The following DACH1 variants were observed in gnomAD, a reference collection of about 807,000 sequenced individuals.
DACH1 encodes the protein dachshund homolog 1.
Under a neutral mutation model 54.2 loss-of-function variants are expected in DACH1, and 12 were observed. That is an observed-to-expected ratio of 0.22 (90% confidence interval 0.14 to 0.36). The LOEUF (loss-of-function observed/expected upper bound fraction) is 0.36. Among genes scored for constraint, DACH1 ranks in the 10% least tolerant of loss-of-function variants. The pLI, the probability that DACH1 is intolerant of heterozygous loss-of-function variation, is 1.00. For synonymous variants in DACH1, 386 were observed against 366.2 expected (o/e 1.05, Z -0.62); for missense variants, 805 against 929.8 (o/e 0.87, Z 1.75).
chr13:71,723,557 T>A (rs1883329899), intron 1 of DACH1, among the ~76,000 whole-genome samples: 2 of 152,254 alleles, frequency 1.3e-5, no homozygotes, highest in South Asian at 4.1e-4. Context: ...TCTTTTGATG[T>A]TGACTTGCAT....
chr13:71,712,712 G>A lies in DACH1; in HGVS notation c.849-30802C>T, dbSNP rs568125102. On this transcript the variant is annotated intron_variant, in intron 1 of 10. Transcript: ENST00000613252. ...TTTTTTTAATGAAAATGTTGCTTTA[G>A]TTTACATTTCCCCCCTTAATTTAAA... Among the ~76,000 whole-genome samples the A allele has an allele frequency of 1.2e-4, 19 of 152,032 alleles. No homozygotes were observed. The South Asian group carries it at 3.7e-3, about 30-fold the overall frequency.
At chr13:71,559,663 CAAACTGGG>C in intron 5 of DACH1, among the ~76,000 whole-genome samples, 149 bp downstream of exon 5, 1 of 152,064 alleles carries the variant, frequency 6.6e-6, no homozygotes, top group Admixed American at 6.6e-5. Flanking sequence ...CATGATATTG[CAAACTGGG>C]AAACATAATT....
At chr13:71,568,262 G>C (rs1214921456) in intron 4 of DACH1, among the ~76,000 whole-genome samples, 2 of 152,102 alleles carry the variant, frequency 1.3e-5, no homozygotes, top group East Asian at 3.9e-4. Context: ...TTTTATGTCA[G>C]AAAGGCATGA....
intron 4 of DACH1, among the ~76,000 whole-genome samples, chr13:71,568,194 T>A (rs1885003565): frequency 6.6e-6 from 1 of 151,992 alleles, no homozygotes; most frequent in South Asian, 2.1e-4. Flanking sequence ...AATCTTAATG[T>A]GGATAAATAA....
chr13:71,588,970 A>C (rs983363194), intron 3 of DACH1, among the ~76,000 whole-genome samples: 1 of 152,062 alleles, frequency 6.6e-6, no homozygotes, highest in African/African-American at 2.4e-5. Context: ...TAATCAAGAC[A>C]TAAAAGACAT....
intron 1 of DACH1, 145 bp downstream of exon 1, chr13:71,865,777 C>G (rs979425698): frequency 8.0e-6 from 10 of 1,256,240 alleles, no homozygotes; most frequent in African/African-American, 3.2e-5. Context: ...TGGCGAGCCC[C>G]GAGCAGGGAG....
At position 71,718,905 on chromosome 13, in the gene DACH1, A is replaced by G. The variant is rs556126459; in HGVS notation, c.849-36995T>C. On this transcript the variant is annotated intron_variant, in intron 1 of 10. Coordinates refer to ENST00000613252, the MANE Select transcript of DACH1 (RefSeq NM_080759.6). Reference sequence around the variant, plus strand: ...GGCTGCTCTATCAACATTCCCATTTATAAACCATCCTACCCATTGCTTTTA... The same window carrying G: ...GGCTGCTCTATCAACATTCCCATTTGTAAACCATCCTACCCATTGCTTTTA... 3.9e-5 allele frequency among the ~76,000 whole-genome samples: 6 copies of G among 152,316 alleles called. No homozygotes were observed. The East Asian group carries it at 1.2e-3, about 29-fold the overall frequency.
At chr13:71,779,266 TATATATAC>T (rs1432022794) in intron 1 of DACH1, among the ~76,000 whole-genome samples, 1 of 62,580 alleles carries the variant, frequency 1.6e-5, no homozygotes, top group East Asian at 2.2e-4. Context: ...TATATATGTG[TATATATAC>T]GTATATACGT....
At chr13:71,795,389 C>T (rs867623055) in intron 1 of DACH1, among the ~76,000 whole-genome samples, 4 of 152,048 alleles carry the variant, frequency 2.6e-5, no homozygotes, top group East Asian at 1.9e-4. Context: ...TTTCTGGATT[C>T]GTTCCTCTCC....
In DACH1 at chr13:71,559,947, A is replaced by T; in HGVS notation, c.1308T>A (p.Val436=). 6.3e-7 allele frequency: 1 copy of T among 1,576,660 alleles called. No homozygotes were observed. The highest frequency in any genetic ancestry group is 8.6e-7 in the Non-Finnish European group (1 of 1,162,762). Residue 436 remains valine (V), a synonymous_variant, in exon 5 of 11, where the codon GTT becomes GTA. Transcript: ENST00000613252. ...RVETSVIKER[V]PDSPSPAPSL... is the part of the protein sequence containing the mutation. ...AGGGGGCAGGTGAGGGGCTATCAGG[A>T]ACACGCTCCTGCACCAGCAAGAGAG...
rs201699252 is a variant in DACH1 at position 71,471,562 on chromosome 13, C to T, written c.2083+3579G>A. 1.8e-4 allele frequency among the ~76,000 whole-genome samples: 28 copies of T among 152,014 alleles called. No homozygotes were observed. In the East Asian group the frequency reaches 5.1e-3, roughly 27 times the overall value. On this transcript the variant is annotated intron_variant, in intron 10 of 10. Transcript: ENST00000613252. ...GATCACAAGGTCAGGAGTTCGAGAC[C>T]AGCCTGGTCAACATAGTGAAACACC...
At chr13:71,745,905 G>A (rs1267157767) in intron 1 of DACH1, among the ~76,000 whole-genome samples, 2 of 152,138 alleles carry the variant, frequency 1.3e-5, no homozygotes, top group African/African-American at 4.8e-5. Flanking sequence ...TTTTTTAAAA[G>A]TAATTGTTAC....
At chr13:71,503,050 T>G (rs1365776369) in intron 6 of DACH1, among the ~76,000 whole-genome samples, 1 of 152,234 alleles carries the variant, frequency 6.6e-6, no homozygotes, top group Non-Finnish European at 1.5e-5. Flanking sequence ...CCATCTTGCC[T>G]TGCCACCATC....
At chr13:71,519,141 T>C (rs1382987795) in intron 6 of DACH1, among the ~76,000 whole-genome samples, 2 of 151,896 alleles carry the variant, frequency 1.3e-5, no homozygotes, top group South Asian at 2.1e-4. Context: ...TTCTGTTCTA[T>C]ACAATAAGAT....
chr13:71,694,959 A>C (rs2138734041), intron 1 of DACH1, among the ~76,000 whole-genome samples: 1 of 152,304 alleles, frequency 6.6e-6, no homozygotes, highest in Non-Finnish European at 1.5e-5. Context: ...GTGGAAACTG[A>C]GGCAAAGATA....
chr13:71,550,790 G>T (rs1351207936), intron 6 of DACH1, among the ~76,000 whole-genome samples: 1 of 152,096 alleles, frequency 6.6e-6, no homozygotes, highest in African/African-American at 2.4e-5. Context: ...AGAACTAAAA[G>T]TGATGGCACT....
chr13:71,765,506 A>C (rs539740161), intron 1 of DACH1, among the ~76,000 whole-genome samples: 1 of 152,250 alleles, frequency 6.6e-6, no homozygotes, highest in Non-Finnish European at 1.5e-5. Context: ...ATACTATGCA[A>C]ATTTTGTTAT....
intron 3 of DACH1, among the ~76,000 whole-genome samples, chr13:71,596,579 T>A (rs945806571): frequency 3.3e-5 from 5 of 152,250 alleles, no homozygotes; most frequent in Non-Finnish European, 2.9e-5. Flanking sequence ...AGACTATTAC[T>A]GTTTTATGAA....
chr13:71,487,826 A>G (rs1878660431), intron 7 of DACH1, among the ~76,000 whole-genome samples: 1 of 152,192 alleles, frequency 6.6e-6, no homozygotes, highest in African/African-American at 2.4e-5. Context: ...TTACCTTAAC[A>G]TAAGAAAAAT....
Sources: gnomAD v4.1 joint callset for allele counts (sites outside exome capture counted in the v4.1 genomes callset) on GRCh38, gnomAD v4.1.1 for gene constraint, MANE v1.5 for transcripts, NCBI Gene and HGNC (gene_info 2026-07-23, HGNC 2026-07-21) for gene names.